The following LAPTM5 variants were observed in gnomAD, a reference collection of about 807,000 sequenced individuals.
The protein encoded by LAPTM5 is lysosomal protein transmembrane 5, also known as lysosomal-associated transmembrane protein 5.
Under a neutral mutation model 30.1 loss-of-function variants are expected in LAPTM5, and 11 were observed. The ratio of observed to expected loss-of-function variants is 0.37; its 90% confidence interval spans 0.23 to 0.60. The LOEUF (loss-of-function observed/expected upper bound fraction) is 0.60, where lower values mean the gene tolerates loss of function less well. LAPTM5 is among the 20% of genes least tolerant of loss of function. The pLI is 0.71. For synonymous variants in LAPTM5, 151 were observed against 137.9 expected (o/e 1.10, Z -0.67); for missense variants, 324 against 332.5 (o/e 0.97, Z 0.20).
intron 1 of LAPTM5, among the ~76,000 whole-genome samples, chr1:30,757,003 C>T: frequency 6.6e-6 from 1 of 152,248 alleles, no homozygotes; most frequent in East Asian, 1.9e-4. Flanking sequence ...ACAGCCGTGA[C>T]TTCACAAGTT....
chr1:30,733,496 G>A lies in LAPTM5; in HGVS notation c.*332C>T, dbSNP rs922768324. The A allele has an allele frequency of 5.0e-6, 7 of 1,393,672 alleles. No homozygotes were observed. The African/African-American group carries it at 1.0e-4, about 20-fold the overall frequency. 86.3% of individuals were successfully genotyped at this position (1,393,672 alleles called of 1,614,324 possible). A position where few individuals can be genotyped will look rare whatever the true frequency, so the allele number is the denominator to read the frequency against. ...TTTTTGATTTGTCAGTTGCTTGGCT[G>A]AACTGATCAAGTCGATAGTTGCTTG... On this transcript the variant is annotated 3_prime_UTR_variant, in exon 8 of 8. Transcript: ENST00000294507.
intron 1 of LAPTM5, among the ~76,000 whole-genome samples, chr1:30,757,130 C>T (rs1372525803): frequency 6.6e-6 from 1 of 152,200 alleles, no homozygotes; most frequent in Non-Finnish European, 1.5e-5. Flanking sequence ...GGACACGGCC[C>T]CTGCCTCCCC....
chr1:30,751,471 G>A (rs181668383), intron 1 of LAPTM5, among the ~76,000 whole-genome samples: 9 of 152,334 alleles, frequency 5.9e-5, no homozygotes, highest in Admixed American at 2.6e-4. Flanking sequence ...AGGCACTATG[G>A]CCCACGCCTA....
chr1:30,737,559 A>T, intron 6 of LAPTM5, 45 bp downstream of exon 6: 1 of 1,451,916 alleles, frequency 6.9e-7, no homozygotes, highest in Non-Finnish European at 9.7e-7. Context: ...GGCCCAGCAC[A>T]GCCTCACCAC....
intron 1 of LAPTM5, among the ~76,000 whole-genome samples, chr1:30,757,238 C>T (rs917470733): frequency 2.0e-5 from 3 of 152,312 alleles, no homozygotes; most frequent in Middle Eastern, 3.4e-3. Context: ...TGTCTGCGGC[C>T]GACCTCACAT....
chr1:30,739,845 C>T lies in LAPTM5; in HGVS notation c.351G>A (p.Leu117=). ...LLTLLGSYIE[L]PAYLKLASRS... ...GGGAGGCCAACTTGAGGTAGGCGGG[C>T]AGCTCAATGTAGGAGCCCAGCAGGG... The change falls in exon 4 of 8, where the codon CTG becomes CTA. Residue 117 remains leucine (L), a synonymous_variant. Transcript: ENST00000294507. This position sits in a 1 kb window ranked among gnomAD's most constrained non-coding sequence, Gnocchi z 4.2. The T allele has an allele frequency of 6.2e-7, 1 of 1,606,022 alleles. No individual in the cohort carries two copies. The highest frequency in any genetic ancestry group is 8.5e-7 in the Non-Finnish European group (1 of 1,175,836).
chr1:30,739,976 T>C lies in LAPTM5; in HGVS notation c.259-39A>G. On this transcript the variant is annotated intron_variant, in intron 3 of 7. Transcript: ENST00000294507. The surrounding 1 kb of genome is among the most constrained non-coding windows in gnomAD (Gnocchi z 4.2). ...CCAGCACCGTCAAGTGTCCCCTGCA[T>C]GCAGCCAACACTCCGCCACCCAGCC... 1.3e-6 allele frequency: 2 copies of C among 1,522,236 alleles called. No individual in the cohort carries two copies. The highest frequency in any genetic ancestry group is 1.8e-6 in the Non-Finnish European group (2 of 1,128,228). 94.3% of individuals were successfully genotyped at this position (1,522,236 alleles called of 1,614,324 possible).
At chr1:30,733,996 C>A in intron 7 of LAPTM5, 79 bp from the exon 8 acceptor site, 1 of 1,454,366 alleles carries the variant, frequency 6.9e-7, no homozygotes, top group South Asian at 1.3e-5. Flanking sequence ...GGGACCCAAA[C>A]CCCCACCTCT....
At chr1:30,735,339 C>A in intron 6 of LAPTM5, 74 bp from the exon 7 acceptor site, 1 of 1,241,774 alleles carries the variant, frequency 8.1e-7, no homozygotes, top group South Asian at 1.2e-5. Context: ...AGGACATATG[C>A]CAGGCAGGAG....
At position 30,742,442 on chromosome 1, in the gene LAPTM5, T is replaced by C; in HGVS notation, c.181+14A>G. 1 of 1,603,158 alleles carries C rather than the reference T, an allele frequency of 6.2e-7. No homozygotes were observed. Among genetic ancestry groups the C allele is most frequent in the Non-Finnish European group, 8.5e-7 (1 of 1,172,152 alleles). Reference sequence around the variant, plus strand: ...TCCTCCCCCCGCCACTCCACCGGCGTCCCCTGGACCTACCGATCCTGAGGT... The same window carrying C: ...TCCTCCCCCCGCCACTCCACCGGCGCCCCCTGGACCTACCGATCCTGAGGT... On this transcript the variant is annotated intron_variant, in intron 2 of 7. Coordinates refer to ENST00000294507, the MANE Select transcript of LAPTM5 (RefSeq NM_006762.3).
At chr1:30,736,808 C>A (rs1458515313) in intron 6 of LAPTM5, among the ~76,000 whole-genome samples, 1 of 152,108 alleles carries the variant, frequency 6.6e-6, no homozygotes, top group African/African-American at 2.4e-5. Flanking sequence ...TTTTAAAAGC[C>A]CTTCCTTCTG....
intron 2 of LAPTM5, chr1:30,741,980 G>C (rs1639977938): frequency 2.6e-6 from 1 of 386,836 alleles, no homozygotes; most frequent in Non-Finnish European, 4.8e-6. Flanking sequence ...GGCTGAGGAA[G>C]GCATCCCTGG....
Position 30,733,223 on chromosome 1 carries a change from G to GCA in LAPTM5, c.*604_*605insTG. 1 of 167,548 alleles carries GCA rather than the reference G, an allele frequency of 6.0e-6. No individual in the cohort carries two copies. Among genetic ancestry groups the GCA allele is most frequent in the Non-Finnish European group, 1.3e-5 (1 of 77,196 alleles). 10.4% of individuals were successfully genotyped at this position (167,548 alleles called of 1,614,324 possible). ...AATTAAATGGTTTGGAGGCTAACGT[G>GCA]ATTTTTTAAATTGAATTTCATCACT... is the stretch of plus-strand genomic sequence containing the variant. On this transcript the variant is annotated 3_prime_UTR_variant, in exon 8 of 8. Transcript: ENST00000294507.
chr1:30,733,754 G>C lies in LAPTM5; in HGVS notation c.*74C>G. ...CGGGAGGGCCCACCCAGGCCACAGG[G>C]GCCACCAAAGCAAAAAAGCAGATTA... On this transcript the variant is annotated 3_prime_UTR_variant, in exon 8 of 8. Coordinates refer to ENST00000294507, the MANE Select transcript of LAPTM5 (RefSeq NM_006762.3). 1 of 1,543,886 alleles carries C rather than the reference G, an allele frequency of 6.5e-7. No individual in the cohort carries two copies. Among genetic ancestry groups the C allele is most frequent in the East Asian group, 2.4e-5 (1 of 41,716 alleles).
At chr1:30,734,160 ACCATTTTCCTTGGGAAAACATTCTCAGT>A (rs1326434875) in intron 7 of LAPTM5, among the ~76,000 whole-genome samples, 5 of 152,118 alleles carry the variant, frequency 3.3e-5, no homozygotes, top group African/African-American at 1.2e-4. Flanking sequence ...AAAACAGTGC[ACCATTTTCCTTGGGAAAACATTCTCAGT>A]CCATATACCT....
Position 30,735,239 on chromosome 1 carries a change from C to G in LAPTM5, c.633G>C (p.Arg211=). 1.2e-6 allele frequency: 2 copies of G among 1,614,072 alleles called. No homozygotes were observed. ...FKVYMFKCVW[R]CYRLIKCMNS... ...TCATGCACTTGATCAATCTGTAGCA[C>G]CGCCACACGCACTTGAACATGTAGA... The change falls in exon 7 of 8, where the codon CGG becomes CGC. Residue 211 remains arginine (R), a synonymous_variant. Transcript: ENST00000294507.
At chr1:30,756,152 C>T (rs182279028) in intron 1 of LAPTM5, among the ~76,000 whole-genome samples, 250 of 152,292 alleles carry the variant, frequency 1.6e-3, no homozygotes, top group Non-Finnish European at 3.0e-3. Flanking sequence ...GTGAGGCGCC[C>T]CTGCATGCCA....
chr1:30,734,629 C>T (rs918739474), intron 7 of LAPTM5, among the ~76,000 whole-genome samples: 1 of 152,238 alleles, frequency 6.6e-6, no homozygotes, highest in Non-Finnish European at 1.5e-5. Context: ...AATACAATCT[C>T]CACCTTACAG....
At chr1:30,755,788 T>C (rs1193150669) in intron 1 of LAPTM5, among the ~76,000 whole-genome samples, 2 of 152,178 alleles carry the variant, frequency 1.3e-5, no homozygotes, top group Admixed American at 1.3e-4. Context: ...ATCACTAGCA[T>C]TGAAACATCA....
Sources: allele counts gnomAD v4.1 joint callset (sites outside exome capture counted in the v4.1 genomes callset), GRCh38; gene constraint gnomAD v4.1.1; non-coding constraint Gnocchi (gnomAD v3.1); transcripts MANE v1.5; gene names NCBI Gene and HGNC (gene_info 2026-07-23, HGNC 2026-07-21).